EXTL3: variants seen among roughly 807,000 people sequenced by gnomAD.
EXTL3 encodes the protein exostosin-like 3.
In EXTL3, 27 loss-of-function variants were observed where a neutral mutation model predicts 69.3. That is an observed-to-expected ratio of 0.39 (90% CI 0.29 to 0.54). The LOEUF (loss-of-function observed/expected upper bound fraction) is 0.54. Ranked by LOEUF, EXTL3 falls within the 20% of genes least tolerant of loss-of-function variation. The pLI, the probability that EXTL3 is intolerant of heterozygous loss-of-function variation, is 0.69. For synonymous variants in EXTL3, 511 were observed against 499.4 expected, an observed-to-expected ratio of 1.02 and a Z score of -0.31; for missense variants, 1,003 against 1,231.8, an observed-to-expected ratio of 0.81 and a Z score of 2.78.
At chr8:28,687,041 C>T (rs1158442447) in intron 1 of EXTL3, among the ~76,000 whole-genome samples, 3 of 152,184 alleles carry the variant, frequency 2.0e-5, no homozygotes, top group Non-Finnish European at 4.4e-5. Flanking sequence ...TGAGGTGGGA[C>T]TGTCAGGCCC....
intron 1 of EXTL3, among the ~76,000 whole-genome samples, chr8:28,652,059 G>GTGTA (rs1806932435): frequency 6.6e-6 from 1 of 151,976 alleles, no homozygotes; most frequent in South Asian, 2.1e-4. Flanking sequence ...GTGTGTGTGT[G>GTGTA]TATGTATACT....
At chr8:28,725,978 T>A (rs1000850887) in intron 3 of EXTL3, among the ~76,000 whole-genome samples, 5 of 149,800 alleles carry the variant, frequency 3.3e-5, no homozygotes, top group African/African-American at 1.2e-4. Context: ...TTTTCCGAGA[T>A]GGAGTCTCGC....
upstream of EXTL3, among the ~76,000 whole-genome samples, chr8:28,621,052 GTTAATTA>G (rs1167012031): frequency 6.6e-6 from 1 of 152,166 alleles, no homozygotes; most frequent in Non-Finnish European, 1.5e-5. Flanking sequence ...GTACATTACT[GTTAATTA>G]TGATTGTTTT....
rs1398580445 is a variant in EXTL3, at chr8:28,750,155, C to T, written c.2551-502C>T. ...CATTTTCTAATTAATAATAATATGACTAGACTGTAGTATGGCCACTTTCCC... is the reference window on the plus strand; with the variant it reads ...CATTTTCTAATTAATAATAATATGATTAGACTGTAGTATGGCCACTTTCCC... On this transcript the variant is annotated intron_variant, in intron 6 of 6. Coordinates refer to ENST00000220562, the MANE Select transcript of EXTL3 (RefSeq NM_001440.4). The surrounding 1 kb of genome is among the most constrained non-coding windows in gnomAD (Gnocchi z 5.2). Among the ~76,000 whole-genome samples, 2 of 152,166 alleles carry T rather than the reference C, an allele frequency of 1.3e-5. No homozygotes were observed. The highest frequency in any genetic ancestry group is 3.8e-4 in the East Asian group (2 of 5,196).
intron 1 of EXTL3, among the ~76,000 whole-genome samples, chr8:28,664,995 C>T (rs1377541113): frequency 6.6e-6 from 1 of 151,418 alleles, no homozygotes; most frequent in Admixed American, 6.6e-5. Context: ...CTCTATCACC[C>T]TTGAGCCTTT....
intron 1 of EXTL3, among the ~76,000 whole-genome samples, chr8:28,655,273 C>T (rs990687606): frequency 3.9e-5 from 6 of 152,098 alleles, no homozygotes; most frequent in African/African-American, 1.4e-4. Flanking sequence ...GAGTGAGGCA[C>T]TCTGTCTAAG....
rs764259950 is a variant in EXTL3 at position 28,717,132 on chromosome 8, A to T, written c.1073A>T (p.Gln358Leu). 24 of 1,614,130 alleles carry T rather than the reference A, an allele frequency of 1.5e-5. No homozygotes were observed. The Admixed American group carries it at 4.0e-4, about 27-fold the overall frequency. Residue 358 changes from glutamine (Q) to leucine (L), a missense_variant, in exon 3 of 7, where the codon CAG becomes CTG. Physicochemically the swap from Gln to Leu is moderately radical, Grantham distance 113. This residue lies in a region of EXTL3 where 742 missense variants were observed against 815.4 expected (regional missense o/e 0.91). Coordinates refer to ENST00000220562, the MANE Select transcript of EXTL3 (RefSeq NM_001440.4). This position sits in a 1 kb window ranked among gnomAD's most constrained non-coding sequence, Gnocchi z 8.3. ...EKIESLRSSL[Q>L]EARSFEEEME... Reference sequence around the variant, plus strand: ...ATTGAGTCTCTGAGGTCTAGCCTTCAGGAGGCCCGCTCCTTCGAAGAGGAA... The same window carrying T: ...ATTGAGTCTCTGAGGTCTAGCCTTCTGGAGGCCCGCTCCTTCGAAGAGGAA...
chr8:28,718,290 C>T, intron 3 of EXTL3, 83 bp downstream of exon 3: 7 of 1,356,366 alleles, frequency 5.2e-6, no homozygotes, highest in Non-Finnish European at 7.4e-6. Flanking sequence ...TTCACTTTAG[C>T]AATCGTAACT....
chr8:28,732,795 C>T (rs545713183), intron 4 of EXTL3, among the ~76,000 whole-genome samples: 9 of 152,280 alleles, frequency 5.9e-5, no homozygotes, highest in African/African-American at 2.2e-4. Context: ...TTGATCTCAG[C>T]TCATTGCAAC....
chr8:28,612,013 G>A (rs1462211364), intron 2 of EXTL3, among the ~76,000 whole-genome samples: 3 of 151,288 alleles, frequency 2.0e-5, no homozygotes, highest in Non-Finnish European at 4.5e-5. Context: ...ATCCAGAACG[G>A]TATTCTGATG....
At chr8:28,723,162 C>T (rs939295924) in intron 3 of EXTL3, among the ~76,000 whole-genome samples, 1 of 152,104 alleles carries the variant, frequency 6.6e-6, no homozygotes, top group Non-Finnish European at 1.5e-5. Flanking sequence ...ATCCCTTGAA[C>T]GAATGAGACG....
intron 1 of EXTL3, among the ~76,000 whole-genome samples, chr8:28,661,622 G>A (rs1328496979): frequency 1.3e-5 from 2 of 151,982 alleles, no homozygotes; most frequent in Non-Finnish European, 1.5e-5. Flanking sequence ...GCTCATGCCT[G>A]TAATCCCAGC....
At chr8:28,628,223 G>A (rs1806523691) in intron 1 of EXTL3, among the ~76,000 whole-genome samples, 2 of 152,192 alleles carry the variant, frequency 1.3e-5, no homozygotes, top group East Asian at 3.9e-4. Flanking sequence ...TAATCTGGAT[G>A]TGGTGGCACG....
intron 2 of EXTL3, among the ~76,000 whole-genome samples, chr8:28,613,644 A>G (rs1336812335): frequency 6.6e-6 from 1 of 152,118 alleles, no homozygotes. Context: ...GTTAATAATT[A>G]TTGATTTGGT....
chr8:28,651,470 C>T (rs1053760496), intron 1 of EXTL3, among the ~76,000 whole-genome samples: 2 of 152,134 alleles, frequency 1.3e-5, no homozygotes, highest in African/African-American at 4.8e-5. Context: ...GTACTACAGG[C>T]ATATGCCACC....
intron 4 of EXTL3, among the ~76,000 whole-genome samples, chr8:28,734,070 G>C (rs1186535925): frequency 6.7e-6 from 1 of 148,452 alleles, no homozygotes; most frequent in Non-Finnish European, 1.5e-5. Flanking sequence ...TGCCCGCCTC[G>C]GCCTCCCAAA....
chr8:28,692,305 G>A (rs1800627146), intron 1 of EXTL3, among the ~76,000 whole-genome samples: 2 of 152,210 alleles, frequency 1.3e-5, no homozygotes, highest in African/African-American at 4.8e-5. Context: ...CTATGGCATA[G>A]TGTTTGCAAG....
intron 1 of EXTL3, among the ~76,000 whole-genome samples, chr8:28,688,763 T>C (rs1441381074): frequency 1.3e-5 from 2 of 152,190 alleles, no homozygotes; most frequent in African/African-American, 2.4e-5. Flanking sequence ...TTATTGACCA[T>C]GTATGTAGCA....
intron 1 of EXTL3, among the ~76,000 whole-genome samples, chr8:28,625,790 G>C (rs1806481343): frequency 6.6e-6 from 1 of 152,016 alleles, no homozygotes; most frequent in African/African-American, 2.4e-5. Context: ...CCTGAAATTA[G>C]TATTAAAGGA....
Sources: gnomAD v4.1 joint callset for allele counts (sites outside exome capture counted in the v4.1 genomes callset) on GRCh38, gnomAD v4.1.1 for gene constraint, gnomAD v4.1.1 regional missense constraint, Gnocchi (gnomAD v3.1) non-coding constraint, MANE v1.5 for transcripts, NCBI Gene and HGNC (gene_info 2026-07-23, HGNC 2026-07-21) for gene names.